The following ANXA13 variants were observed in gnomAD, a reference collection of about 807,000 sequenced individuals.
ANXA13 encodes annexin XIII.
In ANXA13, 36 loss-of-function variants were observed where a neutral mutation model predicts 46.6. That is an observed-to-expected ratio of 0.77 (90% CI 0.59 to 1.02). ANXA13 has a LOEUF of 1.02. ANXA13 is among the 50% of genes least tolerant of loss of function. ANXA13 has a pLI of 0.00. For synonymous variants in ANXA13, 163 were observed against 152.9 expected, an observed-to-expected ratio of 1.07 and a Z score of -0.49; for missense variants, 417 against 396.5, an observed-to-expected ratio of 1.05 and a Z score of -0.44.
At chr8:123,689,865 C>T (rs576230882) in intron 8 of ANXA13, among the ~76,000 whole-genome samples, 4 of 152,320 alleles carry the variant, frequency 2.6e-5, no homozygotes, top group African/African-American at 9.6e-5. Flanking sequence ...TAATTGGGGA[C>T]TTTGAGTATG....
At position 123,695,493 on chromosome 8, in the gene ANXA13, T is replaced by G. The variant is rs1204827843; in HGVS notation, c.471+9A>C. 6.8e-6 allele frequency: 11 copies of G among 1,611,164 alleles called. No homozygotes were observed. The highest frequency in any genetic ancestry group is 1.7e-5 in the Admixed American group (1 of 59,956). Reference sequence around the variant, plus strand: ...GATGATAAAACAGGTGACACCTCTTTCCTCTTACCTGCAGCAGAGACACCA... The same window carrying G: ...GATGATAAAACAGGTGACACCTCTTGCCTCTTACCTGCAGCAGAGACACCA... On this transcript the variant is annotated intron_variant, in intron 6 of 10. Transcript: ENST00000419625.
intron 1 of ANXA13, among the ~76,000 whole-genome samples, chr8:123,720,926 T>G (rs1813857494): frequency 1.3e-5 from 2 of 152,120 alleles, no homozygotes; most frequent in African/African-American, 4.8e-5. Context: ...AACAATTTTT[T>G]AAGTGTGTAA....
chr8:123,681,680 A>G (rs1051149796), intron 10 of ANXA13, among the ~76,000 whole-genome samples: 3 of 144,504 alleles, frequency 2.1e-5, no homozygotes, highest in African/African-American at 7.9e-5. Context: ...CTGGAGTGCA[A>G]TGGTGCAGTC....
chr8:123,706,404 G>A (rs540806578), intron 2 of ANXA13, among the ~76,000 whole-genome samples: 39 of 152,302 alleles, frequency 2.6e-4, no homozygotes, highest in East Asian at 1.9e-3. Flanking sequence ...TGCCAAGCCC[G>A]GAAGGAGCCT....
At chr8:123,736,206 T>G (rs1263154843) in intron 1 of ANXA13, among the ~76,000 whole-genome samples, 1 of 152,234 alleles carries the variant, frequency 6.6e-6, no homozygotes, top group African/African-American at 2.4e-5. Context: ...AGGAAAAACC[T>G]TATAGACAAA....
Position 123,690,118 on chromosome 8 carries a change from G to A in ANXA13, c.643-1172C>T, listed in dbSNP as rs1237360122. 6.6e-6 allele frequency among the ~76,000 whole-genome samples: 1 copy of A among 152,038 alleles called. No individual in the cohort carries two copies. Among genetic ancestry groups the A allele is most frequent in the Non-Finnish European group, 1.5e-5 (1 of 68,012 alleles). On this transcript the variant is annotated intron_variant, in intron 8 of 10. Transcript: ENST00000419625. This position sits in a 1 kb window ranked among gnomAD's most constrained non-coding sequence, Gnocchi z 4.6. ...CCCAGTCTTTTTTGGGTTTGATGTG[G>A]GAGTCATTATTTTGGAAGGGATTGG...
Position 123,698,429 on chromosome 8 carries a change from T to C in ANXA13, c.317A>G (p.Glu106Gly). 2 of 1,614,196 alleles carry C rather than the reference T, an allele frequency of 1.2e-6. No homozygotes were observed. The highest frequency in any genetic ancestry group is 1.6e-4 in the Middle Eastern group (1 of 6,062). The change falls in exon 4 of 11, where the codon GAG (glutamate) becomes GGG (glycine). Residue 106 changes from glutamate to glycine, a missense_variant. Glu to Gly is a moderately conservative substitution (Grantham distance 98). Transcript: ENST00000419625. The part of the protein sequence containing the change: ...QKAMKGLGTD[E>G]SVLIEVLCTR... Reference sequence around the variant, plus strand: ...GCACAGGACCTCAATGAGGACGGACTCATCTGTGCCCAGACCCTTCATAGC... The same window carrying C: ...GCACAGGACCTCAATGAGGACGGACCCATCTGTGCCCAGACCCTTCATAGC...
chr8:123,708,404 G>C (rs934125621), intron 2 of ANXA13, among the ~76,000 whole-genome samples: 1 of 152,166 alleles, frequency 6.6e-6, no homozygotes, highest in Non-Finnish European at 1.5e-5. Context: ...AACAGTGATC[G>C]GGGCTGTGGT....
chr8:123,686,591 G>A (rs1813145085), intron 9 of ANXA13, among the ~76,000 whole-genome samples: 2 of 152,198 alleles, frequency 1.3e-5, no homozygotes, highest in Non-Finnish European at 2.9e-5. Context: ...ACTTCAGTGA[G>A]TATAACACAG....
At chr8:123,726,916 G>A (rs1336500554) in intron 1 of ANXA13, among the ~76,000 whole-genome samples, 1 of 152,178 alleles carries the variant, frequency 6.6e-6, no homozygotes, top group Non-Finnish European at 1.5e-5. Flanking sequence ...ACCTGGATGG[G>A]ATCGGAGAAT....
rs148382346 is a variant in ANXA13 at position 123,722,342 on chromosome 8, AAAAGAAAGAAAGAAAG to A, written c.16-9605_16-9590del. On this transcript the variant is annotated intron_variant, in intron 1 of 10. Coordinates refer to ENST00000419625, the MANE Select transcript of ANXA13 (RefSeq NM_004306.4). ...AGAAAGAAAGAAAAAGAAAGAAAAG[AAAAGAAAGAAAGAAAG>A]AAAGAAAGAAAGAAAGAAAGAAAGA... 3.0e-3 allele frequency among the ~76,000 whole-genome samples: 408 copies of A among 136,970 alleles called. 3 individuals carry two copies. Among genetic ancestry groups the A allele is most frequent in the South Asian group, 4.1e-3 (16 of 3,948 alleles). 89.9% of individuals were successfully genotyped at this position (136,970 alleles called of 152,430 possible). A position where few individuals can be genotyped will look rare whatever the true frequency, so the allele number is the denominator to read the frequency against.
intron 1 of ANXA13, chr8:123,727,545 G>A (rs1190577086): frequency 1.3e-5 from 2 of 151,832 alleles, no homozygotes; most frequent in Non-Finnish European, 2.9e-5. Flanking sequence ...TTTTCAGTTG[G>A]CACGAGTAGG....
chr8:123,682,430 C>CTTTCT (rs1176708493), intron 10 of ANXA13, among the ~76,000 whole-genome samples: 1 of 152,220 alleles, frequency 6.6e-6, no homozygotes, highest in Non-Finnish European at 1.5e-5. Flanking sequence ...AACCAGGAGT[C>CTTTCT]TTTCTTTTCT....
chr8:123,726,184 T>C (rs1352158932), intron 1 of ANXA13, among the ~76,000 whole-genome samples: 1 of 152,250 alleles, frequency 6.6e-6, no homozygotes, highest in Non-Finnish European at 1.5e-5. Context: ...TTCTATTACA[T>C]TTGGGATTGC....
chr8:123,721,247 A>G (rs961051676), intron 1 of ANXA13, among the ~76,000 whole-genome samples: 2 of 152,104 alleles, frequency 1.3e-5, no homozygotes, highest in Non-Finnish European at 2.9e-5. Context: ...CTTGCCTTGT[A>G]TAGATCTTAA....
At chr8:123,700,394 T>C (rs1813420947) in intron 3 of ANXA13, among the ~76,000 whole-genome samples, 2 of 152,240 alleles carry the variant, frequency 1.3e-5, no homozygotes, top group Admixed American at 1.3e-4. Flanking sequence ...TCCTGCTGAC[T>C]CTGTTACCAC....
chr8:123,726,598 A>G (rs977727645), intron 1 of ANXA13, among the ~76,000 whole-genome samples: 13 of 152,256 alleles, frequency 8.5e-5, no homozygotes, highest in African/African-American at 3.1e-4. Context: ...TCATCTAGGC[A>G]GGAAATCCAG....
intron 1 of ANXA13, among the ~76,000 whole-genome samples, chr8:123,729,888 T>C (rs1431225698): frequency 6.6e-6 from 1 of 152,184 alleles, no homozygotes; most frequent in Non-Finnish European, 1.5e-5. Context: ...TTCGCAAAGA[T>C]ATCTCAAACT....
chr8:123,703,330 T>C (rs867832116), intron 2 of ANXA13, among the ~76,000 whole-genome samples: 10 of 151,400 alleles, frequency 6.6e-5, no homozygotes, highest in Non-Finnish European at 1.0e-4. Flanking sequence ...GGAAGTATAC[T>C]AGTGGCTGGG....
Sources: gnomAD v4.1 joint callset for allele counts (sites outside exome capture counted in the v4.1 genomes callset) on GRCh38, gnomAD v4.1.1 for gene constraint, Gnocchi (gnomAD v3.1) non-coding constraint, MANE v1.5 for transcripts, NCBI Gene and HGNC (gene_info 2026-07-23, HGNC 2026-07-21) for gene names.